ARL15: variants seen among roughly 807,000 people sequenced by gnomAD.
ARL15 encodes ARF like GTPase 15.
ARL15 carries 19 observed loss-of-function variants against 25.2 expected under a neutral mutation model. The ratio of observed to expected loss-of-function variants is 0.75; its 90% CI spans 0.53 to 1.10. The LOEUF (loss-of-function observed/expected upper bound fraction) is 1.10, where lower values mean the gene tolerates loss of function less well. Ranked by LOEUF, ARL15 falls within the 50% of genes least tolerant of loss-of-function variation. ARL15 has a pLI of 0.00. For synonymous variants in ARL15, 94 were observed against 86.8 expected, an observed-to-expected ratio of 1.08 and a Z score of -0.46; for missense variants, 220 against 246.0, an observed-to-expected ratio of 0.89 and a Z score of 0.71.
At chr5:54,132,960 C>A (rs1319701726) in intron 3 of ARL15, among the ~76,000 whole-genome samples, 1 of 152,142 alleles carries the variant, frequency 6.6e-6, no homozygotes, top group Non-Finnish European at 1.5e-5. Flanking sequence ...AAACGATAAT[C>A]TGCAACAATA....
At chr5:53,941,434 G>A (rs1450285373) in intron 4 of ARL15, among the ~76,000 whole-genome samples, 1 of 152,158 alleles carries the variant, frequency 6.6e-6, no homozygotes, top group Non-Finnish European at 1.5e-5. Flanking sequence ...TCTACAGAAT[G>A]GGCCTGTCGT....
chr5:54,044,363 C>A (rs1395584168), intron 4 of ARL15, among the ~76,000 whole-genome samples: 1 of 151,510 alleles, frequency 6.6e-6, no homozygotes, highest in Admixed American at 6.6e-5. Flanking sequence ...CCTGCCTTAG[C>A]CTCCCAAGTA....
intron 1 of ARL15, among the ~76,000 whole-genome samples, chr5:54,207,787 G>A (rs1755912248): frequency 4.6e-5 from 7 of 152,098 alleles, no homozygotes; most frequent in Admixed American, 4.6e-4. Context: ...TTATAAATGG[G>A]CATGAAGGAG....
At chr5:54,079,208 T>A (rs372306016) in intron 4 of ARL15, among the ~76,000 whole-genome samples, 40 of 152,180 alleles carry the variant, frequency 2.6e-4, no homozygotes, top group African/African-American at 8.4e-4. Context: ...TAAGTTGGCT[T>A]TTTGTCATCT....
At chr5:54,103,140 T>C (rs1752488102) in intron 4 of ARL15, among the ~76,000 whole-genome samples, 1 of 152,166 alleles carries the variant, frequency 6.6e-6, no homozygotes, top group African/African-American at 2.4e-5. Flanking sequence ...TTCTCCTTTG[T>C]AACCTAGTAA....
At chr5:54,143,157 T>A (rs1475665604) in intron 3 of ARL15, among the ~76,000 whole-genome samples, 1 of 152,132 alleles carries the variant, frequency 6.6e-6, no homozygotes, top group Non-Finnish European at 1.5e-5. Context: ...ATCCTTTATA[T>A]ATTTTTATTT....
rs1749369296 is a variant in ARL15 at position 54,015,022 on chromosome 5, G to C, written c.462+98180C>G. ...TATTCCTAAACCCAGGCCAGGCGCG[G>C]TGGCTCACACCTATAATCCCAGCAC... is the stretch of plus-strand genomic sequence containing the variant. On this transcript the variant is annotated intron_variant, in intron 4 of 4. Coordinates refer to ENST00000504924, the MANE Select transcript of ARL15 (RefSeq NM_019087.3). 2.0e-5 allele frequency among the ~76,000 whole-genome samples: 3 copies of C among 152,010 alleles called. No individual in the cohort carries two copies. In the South Asian group the frequency reaches 6.2e-4, roughly 32 times the overall value.
At chr5:54,264,278 G>A (rs1478376019) in intron 1 of ARL15, among the ~76,000 whole-genome samples, 4 of 152,014 alleles carry the variant, frequency 2.6e-5, no homozygotes, top group Non-Finnish European at 5.9e-5. Context: ...AAATTCTATT[G>A]ATTCAGTCTC....
At chr5:53,951,401 C>A in intron 4 of ARL15, 1 of 437,486 alleles carries the variant, frequency 2.3e-6, no homozygotes, top group Non-Finnish European at 4.7e-6. Context: ...TTGGATGTTG[C>A]AGAGATGTCA....
At chr5:54,108,583 A>G (rs1752652134) in intron 4 of ARL15, among the ~76,000 whole-genome samples, 1 of 152,140 alleles carries the variant, frequency 6.6e-6, no homozygotes, top group Non-Finnish European at 1.5e-5. Context: ...GCATTTTTTA[A>G]TAAAAGATTT....
chr5:54,181,065 G>A (rs1473153336), intron 1 of ARL15, among the ~76,000 whole-genome samples: 3 of 152,170 alleles, frequency 2.0e-5, no homozygotes, highest in East Asian at 3.8e-4. Context: ...AAAAGTTAGG[G>A]CATGTATCTG....
chr5:54,075,073 G>GAAGGAAAAAAAAA (rs1751551501), intron 4 of ARL15, among the ~76,000 whole-genome samples: 1 of 63,926 alleles, frequency 1.6e-5, no homozygotes, highest in African/African-American at 6.4e-5. Flanking sequence ...CAGAATACAG[G>GAAGGAAAAAAAAA]AAAAAAAAAA....
chr5:54,071,523 C>CG (rs869265769), intron 4 of ARL15, among the ~76,000 whole-genome samples: 1 of 117,216 alleles, frequency 8.5e-6, no homozygotes, highest in African/African-American at 2.8e-5. Context: ...CCCCCCCCCC[C>CG]CCGCAAAGCC....
At chr5:54,118,337 A>G (rs905557469) in intron 3 of ARL15, among the ~76,000 whole-genome samples, 4 of 152,224 alleles carry the variant, frequency 2.6e-5, no homozygotes, top group African/African-American at 9.6e-5. Context: ...GTAGAAGCAG[A>G]TATGAGCATC....
chr5:54,089,187 A>G (rs989278864), intron 4 of ARL15, among the ~76,000 whole-genome samples: 1 of 152,176 alleles, frequency 6.6e-6, no homozygotes, highest in African/African-American at 2.4e-5. Context: ...GTTTTTGCCA[A>G]CTGAACTCAA....
chr5:54,166,201 T>G (rs1754559236), intron 2 of ARL15, among the ~76,000 whole-genome samples: 1 of 151,964 alleles, frequency 6.6e-6, no homozygotes, highest in Non-Finnish European at 1.5e-5. Context: ...TCTCTTTTTT[T>G]CCCCCACAAG....
rs116148750 is a variant in ARL15, at chr5:54,260,159, T to A, written c.48+50273A>T. Among the ~76,000 whole-genome samples the A allele has an allele frequency of 8.5e-3, 1,288 of 152,272 alleles. 28 individuals carry two copies. Among genetic ancestry groups the A allele is most frequent in the African/African-American group, 0.03 (1,228 of 41,544 alleles). ...CGTGAGGTATACAGCATGCGCATCTTTAATGGTGCCACTCTGGAATGCACA... is the reference window on the plus strand; with the variant it reads ...CGTGAGGTATACAGCATGCGCATCTATAATGGTGCCACTCTGGAATGCACA... On this transcript the variant is annotated intron_variant, in intron 1 of 4. Transcript: ENST00000504924.
At chr5:54,280,967 G>C (rs1262088182) in intron 1 of ARL15, among the ~76,000 whole-genome samples, 2 of 150,202 alleles carry the variant, frequency 1.3e-5, no homozygotes. Context: ...ACTGACACAG[G>C]CTGGTGGAAA....
chr5:54,007,767 G>C (rs1002085666), intron 4 of ARL15, among the ~76,000 whole-genome samples: 1 of 152,184 alleles, frequency 6.6e-6, no homozygotes, highest in Non-Finnish European at 1.5e-5. Context: ...CCTTCTTTTT[G>C]AGAAATGCAC....
Sources: gnomAD v4.1 joint callset for allele counts (sites outside exome capture counted in the v4.1 genomes callset) on GRCh38, gnomAD v4.1.1 for gene constraint, MANE v1.5 for transcripts, NCBI Gene and HGNC (gene_info 2026-07-23, HGNC 2026-07-21) for gene names.